The following RBM41 variants were observed in gnomAD, a reference collection of about 807,000 sequenced individuals.
RBM41 encodes RNA binding motif protein 41.
In RBM41, 14 loss-of-function variants were observed where a neutral mutation model predicts 30.8. The observed-to-expected ratio is 0.45, with a 90% CI of 0.30 to 0.71. The LOEUF is 0.71. Ranked by LOEUF, RBM41 falls within the 30% of genes least tolerant of loss-of-function variation. The pLI, the probability that RBM41 is intolerant of heterozygous loss-of-function variation, is 0.08. For missense variants in RBM41, 276 were observed against 326.3 expected, an observed-to-expected ratio of 0.85 and a Z score of 1.19; for synonymous variants, 120 against 110.1, an observed-to-expected ratio of 1.09 and a Z score of -0.56.
At chrX:107,075,226 C>CCCTTATCTT (rs1445469765) in intron 6 of RBM41, among the ~76,000 whole-genome samples, 4 of 111,772 alleles carry the variant, frequency 3.6e-5, no homozygotes, top group African/African-American at 9.7e-5. Context: ...TGAAATTGGA[C>CCCTTATCTT]CCTTATCTTA....
chrX:107,107,198 C>T (rs61347559), intron 5 of RBM41, among the ~76,000 whole-genome samples: 197 of 110,979 alleles, frequency 1.8e-3, no homozygotes, highest in African/African-American at 6.2e-3. Context: ...CTGGGGATGA[C>T]TGAAGTTATT....
chrX:107,086,582 A>G (rs1012964458), intron 6 of RBM41, among the ~76,000 whole-genome samples: 3 of 110,121 alleles, frequency 2.7e-5, no homozygotes, highest in Non-Finnish European at 5.7e-5. Context: ...AAACACATAT[A>G]AAAAAAAAGC....
At chrX:107,084,219 A>G (rs1921818320) in intron 6 of RBM41, among the ~76,000 whole-genome samples, 1 of 110,560 alleles carries the variant, frequency 9.0e-6, no homozygotes, top group Admixed American at 9.6e-5. Context: ...TCTTTCAGCT[A>G]TAATCCACGA....
rs1192403999 is a variant in RBM41 at position 107,065,016 on chromosome X, T to C, written c.*2511A>G. 2.7e-5 allele frequency: 3 copies of C among 112,144 alleles called. No individual in the cohort carries two copies. The highest frequency in any genetic ancestry group is 3.8e-5 in the Non-Finnish European group (2 of 53,209). 9.2% of individuals were successfully genotyped at this position (112,144 alleles called of 1,213,427 possible). ...TATTGACCCTTTTATCATTGTAACA[T>C]TTTACTCTTTATCTCCAGTAACATT... is the stretch of plus-strand genomic sequence containing the variant. On this transcript the variant is annotated 3_prime_UTR_variant, in exon 8 of 8. Transcript: ENST00000685964.
chrX:107,100,597 C>T (rs1291251692), intron 5 of RBM41, among the ~76,000 whole-genome samples: 2 of 111,809 alleles, frequency 1.8e-5, no homozygotes, highest in East Asian at 5.6e-4. Flanking sequence ...TAGAGTCTGA[C>T]GATATCTGTT....
chrX:107,084,036 A>G (rs1439668792), intron 6 of RBM41, among the ~76,000 whole-genome samples: 2 of 106,779 alleles, frequency 1.9e-5, no homozygotes, highest in African/African-American at 6.8e-5. Context: ...TAATCTGGCC[A>G]GGAGTTGGGC....
At chrX:107,094,331 C>CA (rs1237944019) in intron 5 of RBM41, among the ~76,000 whole-genome samples, 1 of 112,066 alleles carries the variant, frequency 8.9e-6, no homozygotes, top group Non-Finnish European at 1.9e-5. Context: ...AAGCCTCATC[C>CA]AGCAACATAC....
At chrX:107,102,304 TAATAA>T (rs1173018351) in intron 5 of RBM41, among the ~76,000 whole-genome samples, 1 of 111,371 alleles carries the variant, frequency 9.0e-6, no homozygotes, top group Non-Finnish European at 1.9e-5. Context: ...CTGATGCTTA[TAATAA>T]AATAAAAGAG....
intron 5 of RBM41, among the ~76,000 whole-genome samples, chrX:107,099,690 TACACACACAC>T (rs58279760): frequency 4.3e-5 from 4 of 92,538 alleles, no homozygotes; most frequent in Middle Eastern, 5.8e-3. Flanking sequence ...TCCTGAAAGG[TACACACACAC>T]ACACACACAC....
intron 5 of RBM41, among the ~76,000 whole-genome samples, chrX:107,090,785 TTTTA>T (rs1164944654): frequency 9.0e-6 from 1 of 111,420 alleles, no homozygotes; most frequent in East Asian, 2.8e-4. Flanking sequence ...TTTTATTTTA[TTTTA>T]TTTATTTTTT....
intron 5 of RBM41, among the ~76,000 whole-genome samples, chrX:107,107,584 A>C (rs1048640841): frequency 2.7e-5 from 3 of 111,739 alleles, no homozygotes; most frequent in African/African-American, 9.8e-5. Flanking sequence ...TTTTCTTTCT[A>C]GCAGTGCCCA....
chrX:107,080,117 T>G (rs1032224281), intron 6 of RBM41, among the ~76,000 whole-genome samples: 5 of 111,407 alleles, frequency 4.5e-5, no homozygotes, highest in African/African-American at 1.6e-4. Flanking sequence ...AACACAGGCT[T>G]TTCAAATCAA....
chrX:107,083,051 G>GA (rs1921686796), intron 6 of RBM41, among the ~76,000 whole-genome samples: 1 of 109,987 alleles, frequency 9.1e-6, no homozygotes, highest in Non-Finnish European at 1.9e-5. Flanking sequence ...GCTTATCTCT[G>GA]GAGAACTTTT....
chrX:107,086,108 A>T (rs979891270), intron 6 of RBM41, among the ~76,000 whole-genome samples: 1 of 112,146 alleles, frequency 8.9e-6, no homozygotes, highest in Non-Finnish European at 1.9e-5. Flanking sequence ...CCTCACTGGA[A>T]ATCAGAAACA....
At chrX:107,080,274 T>A (rs1261143455) in intron 6 of RBM41, among the ~76,000 whole-genome samples, 3 of 104,584 alleles carry the variant, frequency 2.9e-5, no homozygotes, top group Non-Finnish European at 5.8e-5. Flanking sequence ...GTGAAATATA[T>A]CCATAAAAAA....
In RBM41 at chrX:107,116,827, T is replaced by C. The variant is rs181304308; in HGVS notation, c.9-61A>G. On this transcript the variant is annotated intron_variant, in intron 1 of 7. Coordinates refer to ENST00000685964, the MANE Select transcript of RBM41 (RefSeq NM_001324242.2). ...AGAGACTGTGAGTCTCAAAATATAT[T>C]CCTTATCTATATTATCTACCATTAC... 7.2e-3 allele frequency: 7,585 copies of C among 1,047,010 alleles called. 97 individuals carry two copies. The highest frequency in any genetic ancestry group is 0.06 in the Admixed American group (2,374 of 39,843). The allele number at this position is 1,047,010 out of a possible 1,213,427, so 86.3% of individuals were successfully genotyped here.
At chrX:107,107,502 T>C (rs1924107516) in intron 5 of RBM41, among the ~76,000 whole-genome samples, 1 of 111,769 alleles carries the variant, frequency 8.9e-6, no homozygotes, top group South Asian at 3.8e-4. Context: ...AGATAGATTG[T>C]TGAACAAGGG....
the RBM41 span, among the ~76,000 whole-genome samples, chrX:107,055,020 A>G: frequency 8.9e-6 from 1 of 111,924 alleles, no homozygotes; most frequent in South Asian, 3.8e-4. Flanking sequence ...TCTTTCCCCC[A>G]ACCCCTGGAA....
intron 5 of RBM41, among the ~76,000 whole-genome samples, chrX:107,093,944 G>C (rs1408261037): frequency 4.5e-5 from 5 of 111,340 alleles, no homozygotes; most frequent in African/African-American, 1.6e-4. Context: ...CAATTATTTA[G>C]GAATATTATA....
Sources: gnomAD v4.1 joint callset for allele counts (sites outside exome capture counted in the v4.1 genomes callset) on GRCh38, gnomAD v4.1.1 for gene constraint, MANE v1.5 for transcripts, NCBI Gene and HGNC (gene_info 2026-07-23, HGNC 2026-07-21) for gene names.